CYLC1: variants seen among roughly 807,000 people sequenced by gnomAD.
CYLC1 encodes cylicin-1.
A neutral mutation model predicts 31.6 loss-of-function variants in CYLC1; 2 were observed. The observed-to-expected ratio is 0.06, with a 90% CI of 0.03 to 0.20. CYLC1 has a LOEUF of 0.20. Ranked by LOEUF, CYLC1 falls within the 10% of genes least tolerant of loss-of-function variation. The pLI is 1.00. For synonymous variants in CYLC1, 185 were observed against 153.0 expected (o/e 1.21, Z -1.54); for missense variants, 595 against 424.1 (o/e 1.40, Z -3.54).
Position 83,873,728 on chromosome X carries a change from A to G in CYLC1, c.1020A>G (p.Ser340=), listed in dbSNP as rs1199673998. 1 of 1,187,523 alleles carries G rather than the reference A, an allele frequency of 8.4e-7. No individual in the cohort carries two copies. ...TESTDAESGD[S]KDERKDTKKD... is the part of the protein sequence containing the mutation. The stretch of plus-strand genomic sequence containing the variant: ...CTACTGATGCTGAATCTGGAGACTC[A>G]AAGGATGAAAGGAAAGATACAAAGA... The change falls in exon 4 of 5, where the codon TCA becomes TCG. Residue 340 remains serine, a synonymous_variant. Transcript: ENST00000329312.
chrX:83,862,087 C>T (rs2031515679), intron 1 of CYLC1, among the ~76,000 whole-genome samples: 1 of 111,809 alleles, frequency 8.9e-6, no homozygotes. Context: ...GAAAATATTT[C>T]ACTCAGAAAT....
intron 1 of CYLC1, among the ~76,000 whole-genome samples, chrX:83,864,260 A>G (rs767666800): frequency 9.0e-6 from 1 of 111,032 alleles, no homozygotes; most frequent in African/African-American, 3.3e-5. Flanking sequence ...ACATAATTCG[A>G]CTCATAACAC....
rs373611972 is a variant in CYLC1 at position 83,879,301 on chromosome X, G to A, written c.1923+4670G>A. Among the ~76,000 whole-genome samples, 5 of 110,554 alleles carry A rather than the reference G, an allele frequency of 4.5e-5. No homozygotes were observed. In the East Asian group the frequency reaches 1.4e-3, roughly 32 times the overall value. On this transcript the variant is annotated intron_variant, in intron 4 of 4. Transcript: ENST00000329312. ...CTTCTAGAGGTAAACAATGTTAGCA[G>A]CCTGGGGTCCATTTTTCTCTCTTAC...
intron 4 of CYLC1, among the ~76,000 whole-genome samples, chrX:83,878,837 T>G (rs1452379050): frequency 1.9e-5 from 2 of 106,687 alleles, no homozygotes; most frequent in African/African-American, 6.8e-5. Flanking sequence ...TTGAATCTTA[T>G]GGAGTTTTCT....
intron 4 of CYLC1, among the ~76,000 whole-genome samples, chrX:83,875,998 C>T (rs1183551556): frequency 9.1e-6 from 1 of 110,478 alleles, no homozygotes. Flanking sequence ...CCCTTGTCAC[C>T]TTCTTGTTCT....
At chrX:83,863,979 T>G (rs1458709444) in intron 1 of CYLC1, among the ~76,000 whole-genome samples, 1 of 111,951 alleles carries the variant, frequency 8.9e-6, no homozygotes, top group African/African-American at 3.2e-5. Flanking sequence ...CTAGTCTGAC[T>G]GTTCCTGGTA....
At chrX:83,861,252 A>G in intron 1 of CYLC1, 53 bp downstream of exon 1, 2 of 889,699 alleles carry the variant, frequency 2.2e-6, no homozygotes, top group Non-Finnish European at 1.6e-6. Context: ...AATATGCTCA[A>G]TTTAGTTACA....
intron 4 of CYLC1, among the ~76,000 whole-genome samples, chrX:83,878,426 TATATATAA>T (rs2031853333): frequency 2.0e-5 from 1 of 49,296 alleles, no homozygotes; most frequent in Non-Finnish European, 3.3e-5. Context: ...TATATAAATA[TATATATAA>T]ATATATATAA....
chrX:83,873,655 A>T lies in CYLC1; in HGVS notation c.947A>T (p.Asn316Ile), dbSNP rs767799082. Residue 316 changes from asparagine (N) to isoleucine (I), a missense_variant, in exon 4 of 5, where the codon AAT (asparagine) becomes ATT (isoleucine). Coordinates refer to ENST00000329312, the MANE Select transcript of CYLC1 (RefSeq NM_021118.3). ...AKKDSKKVKKNVKKDDKKKDV... is the reference protein window; with the variant it reads ...AKKDSKKVKKIVKKDDKKKDV... ...AAAGATTCAAAGAAAGTTAAGAAAA[A>T]TGTCAAGAAAGATGACAAGAAAAAG... The T allele has an allele frequency of 1.7e-6, 2 of 1,199,918 alleles. No homozygotes were observed. The highest frequency in any genetic ancestry group is 2.2e-6 in the Non-Finnish European group (2 of 891,183).
Position 83,873,587 on chromosome X carries a change from G to T in CYLC1, c.879G>T (p.Lys293Asn). The change falls in exon 4 of 5, where the codon AAG becomes AAT. Residue 293 changes from lysine (K) to asparagine (N), a missense_variant. Coordinates refer to ENST00000329312, the MANE Select transcript of CYLC1 (RefSeq NM_021118.3). Reference sequence around the variant, plus strand: ...AGAAGGACACAAAAAAGAATGCAAAGAAAAGCTCTGATGCTGAATCTGAAG... The same window carrying T: ...AGAAGGACACAAAAAAGAATGCAAATAAAAGCTCTGATGCTGAATCTGAAG... ...YTKKDTKKNA[K>N]KSSDAESEDS... 8.4e-7 allele frequency: 1 copy of T among 1,191,229 alleles called. No individual in the cohort carries two copies. The highest frequency in any genetic ancestry group is 1.8e-5 in the African/African-American group (1 of 56,529).
chrX:83,873,655 A>C lies in CYLC1; in HGVS notation c.947A>C (p.Asn316Thr), dbSNP rs767799082. The C allele has an allele frequency of 2.5e-6, 3 of 1,197,577 alleles. No individual in the cohort carries two copies. The African/African-American group carries it at 5.3e-5, about 21-fold the overall frequency. The change falls in exon 4 of 5, where the codon AAT (asparagine) becomes ACT (threonine). Residue 316 changes from asparagine to threonine, a missense_variant. Physicochemically the swap from Asn to Thr is moderately conservative, Grantham distance 65 (BLOSUM62 0). Transcript: ENST00000329312. ...AKKDSKKVKK[N>T]VKKDDKKKDV... Reference sequence around the variant, plus strand: ...AAAGATTCAAAGAAAGTTAAGAAAAATGTCAAGAAAGATGACAAGAAAAAG... The same window carrying C: ...AAAGATTCAAAGAAAGTTAAGAAAACTGTCAAGAAAGATGACAAGAAAAAG...
chrX:83,861,148 T>C lies in CYLC1; in HGVS notation c.-35T>C, dbSNP rs759505546. ...CTCAACATTACCAGTTTCAACTTAC[T>C]ATGCTCAAGTCCAGGCAACGTACAG... On this transcript the variant is annotated 5_prime_UTR_variant, in exon 1 of 5. Coordinates refer to ENST00000329312, the MANE Select transcript of CYLC1 (RefSeq NM_021118.3). 4.9e-5 allele frequency: 57 copies of C among 1,170,788 alleles called. No individual in the cohort carries two copies. In the East Asian group the frequency reaches 1.6e-3, roughly 34 times the overall value.
intron 1 of CYLC1, among the ~76,000 whole-genome samples, chrX:83,861,949 G>A (rs2031513274): frequency 9.0e-6 from 1 of 111,108 alleles, no homozygotes; most frequent in African/African-American, 3.3e-5. Flanking sequence ...CACTTGTAAA[G>A]TCTATGAAAA....
At chrX:83,862,359 G>T (rs1347657377) in intron 1 of CYLC1, among the ~76,000 whole-genome samples, 151 of 97,070 alleles carry the variant, frequency 1.6e-3, no homozygotes, top group African/African-American at 5.8e-3. Flanking sequence ...GTGAAACCCC[G>T]TCTCTACTAA....
intron 1 of CYLC1, among the ~76,000 whole-genome samples, chrX:83,863,145 T>C (rs2147775460): frequency 1.8e-5 from 2 of 112,029 alleles, no homozygotes; most frequent in African/African-American, 6.5e-5. Context: ...ATTTTACTAT[T>C]AGGTGATCAA....
At chrX:83,883,637 A>G (rs370002762) in intron 4 of CYLC1, among the ~76,000 whole-genome samples, 14 of 111,799 alleles carry the variant, frequency 1.3e-4, no homozygotes, top group African/African-American at 4.5e-4. Context: ...CATCTATGTA[A>G]TTTACTCAGT....
intron 2 of CYLC1, among the ~76,000 whole-genome samples, chrX:83,870,439 T>C (rs73513430): frequency 0.036 from 4,009 of 111,428 alleles, 173 homozygotes; most frequent in African/African-American, 0.12. Context: ...CCAAAGTACC[T>C]GTGTTCAAAT....
At position 83,873,220 on chromosome X, in the gene CYLC1, A is replaced by C; in HGVS notation, c.512A>C (p.Gln171Pro). The change falls in exon 4 of 5, where the codon CAA becomes CCA. Residue 171 changes from glutamine to proline, a missense_variant. Physicochemically the swap from Gln to Pro is moderately conservative, Grantham distance 76. Transcript: ENST00000329312. ...TTAAAATCATCACATGAAAATGAAC[A>C]ATCCAAGAAGTCAAAATCCAGTTCA... ...TPLKSSHENEQSKKSKSSSET... is the reference protein window; with the variant it reads ...TPLKSSHENEPSKKSKSSSET... 1 of 1,203,374 alleles carries C rather than the reference A, an allele frequency of 8.3e-7. No individual in the cohort carries two copies. The highest frequency in any genetic ancestry group is 1.1e-6 in the Non-Finnish European group (1 of 891,357).
Position 83,873,363 on chromosome X carries a change from A to T in CYLC1, c.655A>T (p.Asn219Tyr), listed in dbSNP as rs1223915479. The T allele has an allele frequency of 3.4e-5, 41 of 1,199,489 alleles. No homozygotes were observed. The highest frequency in any genetic ancestry group is 4.6e-5 in the Non-Finnish European group (41 of 887,449). ...CACTGAATTCCTACATACAAAGAAC[A>T]ATCCAAAGAAAGATTTGAAGAGGTC... ...TNTEFLHTKN[N>Y]PKKDLKRSKT... Residue 219 changes from asparagine (N) to tyrosine (Y), a missense_variant, in exon 4 of 5, where the codon AAT becomes TAT. Transcript: ENST00000329312.
Sources: allele counts gnomAD v4.1 joint callset (sites outside exome capture counted in the v4.1 genomes callset), GRCh38; gene constraint gnomAD v4.1.1; transcripts MANE v1.5; gene names NCBI Gene and HGNC (gene_info 2026-07-23, HGNC 2026-07-21).